The following BRD1 variants were observed in gnomAD, a reference collection of about 807,000 sequenced individuals.
The protein encoded by BRD1 is bromodomain-containing protein 1.
In BRD1, 24 loss-of-function variants were observed where a neutral mutation model predicts 107.7. The ratio of observed to expected loss-of-function variants is 0.22; its 90% CI spans 0.16 to 0.31. The LOEUF is 0.31. BRD1 is among the 10% of genes least tolerant of loss of function. The pLI is 1.00. For synonymous variants in BRD1, 744 were observed against 686.1 expected (o/e 1.08, Z -1.32); for missense variants, 1,279 against 1,638.6 (o/e 0.78, Z 3.79).
rs1204380100 is a variant in BRD1 at position 49,823,502 on chromosome 22, C to T, written c.816G>A (p.Val272=). ...LQSRARPADC[V]LCPNKGGAFK... The stretch of plus-strand genomic sequence containing the variant: ...AGGCACCACCCTTGTTGGGGCACAG[C>T]ACACAGTCGGCGGGCCGGGCCCGCG... Residue 272 remains valine, a synonymous_variant, in exon 2 of 13, where the codon GTG becomes GTA. Coordinates refer to ENST00000404760, the MANE Select transcript of BRD1 (RefSeq NM_001304808.3). The T allele has an allele frequency of 6.2e-7, 1 of 1,604,710 alleles. No individual in the cohort carries two copies. The highest frequency in any genetic ancestry group is 8.5e-7 in the Non-Finnish European group (1 of 1,176,132).
At position 49,823,974 on chromosome 22, in the gene BRD1, C is replaced by T; in HGVS notation, c.344G>A (p.Ser115Asn). The T allele has an allele frequency of 1.9e-6, 3 of 1,614,016 alleles. No homozygotes were observed. Among genetic ancestry groups the T allele is most frequent in the South Asian group, 2.2e-5 (2 of 91,088 alleles). Reference sequence around the variant, plus strand: ...GCGCACCTTGGGCTCCGGGAGGGCACTGGCCGAGGCCGGCGTGCCGTGGGC... The same window carrying T: ...GCGCACCTTGGGCTCCGGGAGGGCATTGGCCGAGGCCGGCGTGCCGTGGGC... ...PSAHGTPASASALPEPKVRIV... is the reference protein window; with the variant it reads ...PSAHGTPASANALPEPKVRIV... Residue 115 changes from serine to asparagine, a missense_variant, in exon 2 of 13, where the codon AGT becomes AAT. This residue lies in a region of BRD1 where 223 missense variants were observed against 263.5 expected (regional missense o/e 0.85). Transcript: ENST00000404760.
chr22:49,793,499 CG>C (rs1402117699), intron 7 of BRD1, among the ~76,000 whole-genome samples: 1 of 152,184 alleles, frequency 6.6e-6, no homozygotes, highest in Non-Finnish European at 1.5e-5. Context: ...AGGAGCTGGC[CG>C]GGGACCCTCG....
intron 7 of BRD1, among the ~76,000 whole-genome samples, chr22:49,789,494 C>G (rs1235458857): frequency 1.3e-5 from 2 of 150,596 alleles, no homozygotes; most frequent in African/African-American, 4.9e-5. Context: ...CTAGCCTCCC[C>G]CCCCCGCCCC....
chr22:49,790,764 A>T (rs968108182), intron 7 of BRD1, among the ~76,000 whole-genome samples: 2 of 152,174 alleles, frequency 1.3e-5, no homozygotes, highest in African/African-American at 4.8e-5. Context: ...GCAATCCTGA[A>T]GGGACAAAGC....
At chr22:49,794,564 G>A (rs942064736) in intron 6 of BRD1, among the ~76,000 whole-genome samples, 10 of 152,304 alleles carry the variant, frequency 6.6e-5, no homozygotes, top group Admixed American at 3.9e-4. Context: ...AGGTAAGATC[G>A]CAACCTCTCC....
intron 2 of BRD1, among the ~76,000 whole-genome samples, chr22:49,811,810 G>C (rs887803663): frequency 6.6e-6 from 1 of 152,192 alleles, no homozygotes; most frequent in Non-Finnish European, 1.5e-5. Context: ...GGATGGAATG[G>C]GACACACCGC....
intron 4 of BRD1, 31 bp from the exon 5 acceptor site, chr22:49,798,717 G>C (rs1325937605): frequency 1.3e-5 from 21 of 1,556,082 alleles, no homozygotes; most frequent in Non-Finnish European, 1.7e-5. Flanking sequence ...CTCAGCTTTA[G>C]GGAGCCGCAC....
chr22:49,813,454 C>T (rs896793336), intron 2 of BRD1, among the ~76,000 whole-genome samples: 6 of 151,510 alleles, frequency 4.0e-5, no homozygotes, highest in Admixed American at 2.6e-4. Context: ...AATCTCTTGA[C>T]CTCGTGATCC....
Position 49,823,715 on chromosome 22 carries a change from G to A in BRD1, c.603C>T (p.Asn201=), listed in dbSNP as rs753311230. The A allele has an allele frequency of 1.2e-6, 2 of 1,613,974 alleles. No individual in the cohort carries two copies. The highest frequency in any genetic ancestry group is 1.1e-5 in the South Asian group (1 of 91,078). Residue 201 remains asparagine, a synonymous_variant, in exon 2 of 13, where the codon AAC becomes AAT. Coordinates refer to ENST00000404760, the MANE Select transcript of BRD1 (RefSeq NM_001304808.3). ...DRFEKESHCE[N]QKQGEQQSLI... ...GAGACTGCTGCTCGCCCTGCTTCTG[G>A]TTCTCGCAGTGCGACTCCTTCTCGA...
At chr22:49,796,407 A>G (rs1316473195) in intron 6 of BRD1, among the ~76,000 whole-genome samples, 2 of 148,282 alleles carry the variant, frequency 1.3e-5, no homozygotes, top group African/African-American at 2.5e-5. Context: ...CCCAGGCTTC[A>G]GTGCAATGGC....
intron 8 of BRD1, among the ~76,000 whole-genome samples, chr22:49,779,766 G>A (rs1357800886): frequency 6.6e-6 from 1 of 151,946 alleles, no homozygotes; most frequent in Non-Finnish European, 1.5e-5. Flanking sequence ...AACCCCTCAG[G>A]AGCAGCGACT....
chr22:49,827,326 G>C (rs976012173), intron 1 of BRD1, among the ~76,000 whole-genome samples, 171 bp downstream of exon 1: 6 of 149,822 alleles, frequency 4.0e-5, no homozygotes, highest in Non-Finnish European at 7.4e-5. Flanking sequence ...CGGCCTCCCC[G>C]GCATCCCGGG....
Position 49,776,170 on chromosome 22 carries a change from GGGCGTCAGCAGGACACA to G in BRD1, c.3122-28_3122-12del, listed in dbSNP as rs753345791. On this transcript the variant is annotated splice_polypyrimidine_tract_variant and intron_variant, in intron 10 of 12. Coordinates refer to ENST00000404760, the MANE Select transcript of BRD1 (RefSeq NM_001304808.3). ...TGCTCTGGCCGACTTCTGCGGAGAG[GGGCGTCAGCAGGACACA>G]GGCGTCAGCAGGACACGGGGCACGC... 115 of 1,600,902 alleles carry G rather than the reference GGGCGTCAGCAGGACACA, an allele frequency of 7.2e-5. 1 individual carries two copies. The highest frequency in any genetic ancestry group is 3.3e-4 in the Middle Eastern group (2 of 6,074).
intron 2 of BRD1, among the ~76,000 whole-genome samples, chr22:49,811,718 T>C (rs182916960): frequency 3.3e-5 from 5 of 152,268 alleles, no homozygotes; most frequent in Admixed American, 2.6e-4. Flanking sequence ...ACTGACACCA[T>C]GGAAAGCAAA....
intron 8 of BRD1, 48 bp from the exon 9 acceptor site, chr22:49,777,861 C>A (rs1434948730): frequency 1.9e-6 from 3 of 1,555,748 alleles, no homozygotes; most frequent in African/African-American, 2.7e-5. Flanking sequence ...CCAGGGCACA[C>A]TGAAGCATGA....
At chr22:49,777,248 A>G in intron 9 of BRD1, 87 bp from the exon 10 acceptor site, 3 of 1,571,686 alleles carry the variant, frequency 1.9e-6, no homozygotes, top group Non-Finnish European at 2.6e-6. Flanking sequence ...GTCCGCCACC[A>G]AGCTGGCCAC....
At chr22:49,808,211 T>A (rs1379833863) in intron 2 of BRD1, among the ~76,000 whole-genome samples, 1 of 152,184 alleles carries the variant, frequency 6.6e-6, no homozygotes, top group African/African-American at 2.4e-5. Context: ...GAAAACAGGC[T>A]CAGATACTTA....
chr22:49,794,330 C>G (rs767252534), intron 6 of BRD1, 36 bp from the exon 7 acceptor site: 1 of 1,578,556 alleles, frequency 6.3e-7, no homozygotes, highest in African/African-American at 1.3e-5. Flanking sequence ...GTCATCAGGT[C>G]CCACGCACCT....
Position 49,783,549 on chromosome 22 carries a change from C to A in BRD1, c.2857+3841G>T, listed in dbSNP as rs943666917. ...CCAGTCACTATGGGACGGCTCCGCA[C>A]ATGCTCAGGACAGCCTCAGAATGCT... On this transcript the variant is annotated intron_variant, in intron 8 of 12. Transcript: ENST00000404760. This position sits in a 1 kb window ranked among gnomAD's most constrained non-coding sequence, Gnocchi z 4.2. 6.6e-6 allele frequency among the ~76,000 whole-genome samples: 1 copy of A among 152,238 alleles called. No individual in the cohort carries two copies. Among genetic ancestry groups the A allele is most frequent in the African/African-American group, 2.4e-5 (1 of 41,462 alleles).
Sources: gnomAD v4.1 joint callset for allele counts (sites outside exome capture counted in the v4.1 genomes callset) on GRCh38, gnomAD v4.1.1 for gene constraint, gnomAD v4.1.1 regional missense constraint, Gnocchi (gnomAD v3.1) non-coding constraint, MANE v1.5 for transcripts, NCBI Gene and HGNC (gene_info 2026-07-23, HGNC 2026-07-21) for gene names.